Variants in IL15 observed in about 807,000 individuals in gnomAD.
The protein encoded by IL15 is interleukin 15.
In IL15, 11 loss-of-function variants were observed where a neutral mutation model predicts 19.6. That is an observed-to-expected ratio of 0.56 (90% confidence interval 0.35 to 0.93). The LOEUF (loss-of-function observed/expected upper bound fraction) is 0.93. Ranked by LOEUF, IL15 falls within the 40% of genes least tolerant of loss-of-function variation. The probability of loss-of-function intolerance (pLI) is 0.01; values close to 1 mark genes in which losing one functional copy is unlikely to be tolerated. For synonymous variants in IL15, 58 were observed against 59.6 expected (o/e 0.97, Z 0.12); for missense variants, 197 against 186.5 (o/e 1.06, Z -0.33).
chr4:141,677,524 G>A (rs893904573), intron 2 of IL15, among the ~76,000 whole-genome samples: 10 of 152,088 alleles, frequency 6.6e-5, no homozygotes, highest in Admixed American at 6.5e-5. Context: ...CTTTGCCGGG[G>A]ATCAGTGCCC....
chr4:141,690,790 T>A (rs1728884457), intron 2 of IL15, among the ~76,000 whole-genome samples: 1 of 152,154 alleles, frequency 6.6e-6, no homozygotes, highest in South Asian at 2.1e-4. Flanking sequence ...TTTTTCATTT[T>A]CCATATTACC....
chr4:141,713,871 C>G (rs1729787461), intron 2 of IL15, among the ~76,000 whole-genome samples: 1 of 152,132 alleles, frequency 6.6e-6, no homozygotes, highest in African/African-American at 2.4e-5. Flanking sequence ...CTTGTACTTG[C>G]TTGGTATACA....
At chr4:141,732,412 C>T (rs959450763) in intron 7 of IL15, among the ~76,000 whole-genome samples, 7 of 152,086 alleles carry the variant, frequency 4.6e-5, no homozygotes, top group African/African-American at 1.7e-4. Context: ...TCATGAAGAG[C>T]CTGTGTGCTA....
intron 2 of IL15, among the ~76,000 whole-genome samples, chr4:141,710,011 A>G (rs1367473580): frequency 6.6e-6 from 1 of 152,162 alleles, no homozygotes. Context: ...TCAACAGAAA[A>G]TCACTAAAAA....
chr4:141,727,911 T>G (rs568709477), intron 5 of IL15, 29 bp from the exon 6 acceptor site: 1 of 944,792 alleles, frequency 1.1e-6, no homozygotes, highest in African/African-American at 1.7e-5. Context: ...GCATAGTTTT[T>G]AATATTGTCT....
At chr4:141,671,851 C>A (rs1388882915) in intron 2 of IL15, among the ~76,000 whole-genome samples, 1 of 152,142 alleles carries the variant, frequency 6.6e-6, no homozygotes, top group African/African-American at 2.4e-5. Context: ...GAGACTCCAC[C>A]TTTCAATGGG....
At chr4:141,716,375 A>T (rs1729884547) in intron 2 of IL15, 1 of 152,262 alleles carries the variant, frequency 6.6e-6, no homozygotes, top group Admixed American at 6.5e-5. Context: ...ATTTTGGTGC[A>T]GCAGTCTTCA....
At chr4:141,696,710 G>A (rs1221166344) in intron 2 of IL15, among the ~76,000 whole-genome samples, 1 of 151,962 alleles carries the variant, frequency 6.6e-6, no homozygotes, top group African/African-American at 2.4e-5. Context: ...TCATTAGTAA[G>A]GTGTAAGGTG....
intron 2 of IL15, chr4:141,718,660 TA>T (rs1729973920): frequency 6.6e-6 from 1 of 152,194 alleles, no homozygotes; most frequent in Non-Finnish European, 1.5e-5. Flanking sequence ...ATCTGAAAAG[TA>T]TAATAATTTA....
intron 1 of IL15, among the ~76,000 whole-genome samples, chr4:141,645,559 T>G (rs1482015281): frequency 6.6e-6 from 1 of 152,154 alleles, no homozygotes; most frequent in African/African-American, 2.4e-5. Context: ...GGTCCTTGCC[T>G]CTCTCCAGGT....
chr4:141,680,164 C>T (rs1187334582), intron 2 of IL15, among the ~76,000 whole-genome samples: 2 of 152,142 alleles, frequency 1.3e-5, no homozygotes, highest in East Asian at 1.9e-4. Context: ...CCTGTCAGTA[C>T]GTGGCTTCAT....
intron 2 of IL15, among the ~76,000 whole-genome samples, chr4:141,664,568 T>C (rs570067000): frequency 4.1e-4 from 63 of 152,238 alleles, no homozygotes; most frequent in African/African-American, 1.4e-3. Flanking sequence ...AATGAACAGT[T>C]TATATAAAAA....
chr4:141,692,997 A>G (rs1183397773), intron 2 of IL15, among the ~76,000 whole-genome samples: 2 of 132,808 alleles, frequency 1.5e-5, no homozygotes, highest in Non-Finnish European at 3.2e-5. Flanking sequence ...AGCCAGGGGA[A>G]CAGAGCAAGA....
At chr4:141,687,989 G>C (rs899367408) in intron 2 of IL15, among the ~76,000 whole-genome samples, 1 of 152,158 alleles carries the variant, frequency 6.6e-6, no homozygotes, top group African/African-American at 2.4e-5. Context: ...TGGGAGTGCT[G>C]CTTGCTACTT....
intron 2 of IL15, among the ~76,000 whole-genome samples, chr4:141,692,483 A>G (rs1281031643): frequency 2.0e-5 from 3 of 152,134 alleles, no homozygotes; most frequent in Non-Finnish European, 4.4e-5. Flanking sequence ...TCCCCTTTAA[A>G]CATAAGTTCA....
At chr4:141,670,888 T>C (rs531334935) in intron 2 of IL15, among the ~76,000 whole-genome samples, 128 of 152,290 alleles carry the variant, frequency 8.4e-4, no homozygotes, top group African/African-American at 3.0e-3. Flanking sequence ...TAAGTACTAA[T>C]TCAAGTGAAA....
intron 1 of IL15, among the ~76,000 whole-genome samples, chr4:141,654,895 G>A (rs924722911): frequency 1.3e-5 from 2 of 152,122 alleles, no homozygotes; most frequent in African/African-American, 4.8e-5. Flanking sequence ...TAGGAACATT[G>A]GCCCATATTG....
At chr4:141,659,150 G>A (rs1231246695) in intron 2 of IL15, among the ~76,000 whole-genome samples, 1 of 150,552 alleles carries the variant, frequency 6.6e-6, no homozygotes, top group Admixed American at 6.6e-5. Context: ...TCCCCGGCCT[G>A]TTTTTTGGAA....
rs571999535 is a variant in IL15 at position 141,688,037 on chromosome 4, G to C, written c.-99-31329G>C. On this transcript the variant is annotated intron_variant, in intron 2 of 7. Transcript: ENST00000320650. ...GTTCTCTCTGGGACAAGTTCTTTTTGTGCAAGATCACAGCCACTCCCTAAG... is the reference window on the plus strand; with the variant it reads ...GTTCTCTCTGGGACAAGTTCTTTTTCTGCAAGATCACAGCCACTCCCTAAG... Among the ~76,000 whole-genome samples the C allele has an allele frequency of 9.9e-5, 15 of 152,196 alleles. 1 individual carries two copies. Among genetic ancestry groups the C allele is most frequent in the Admixed American group, 9.8e-4 (15 of 15,290 alleles).
Sources: gnomAD v4.1 joint callset for allele counts (sites outside exome capture counted in the v4.1 genomes callset) on GRCh38, gnomAD v4.1.1 for gene constraint, MANE v1.5 for transcripts, NCBI Gene and HGNC (gene_info 2026-07-23, HGNC 2026-07-21) for gene names.